VPS13A: variants seen among roughly 807,000 people sequenced by gnomAD.
VPS13A encodes intermembrane lipid transfer protein VPS13A.
A neutral mutation model predicts 390.9 loss-of-function variants in VPS13A; 264 were observed. The ratio of observed to expected loss-of-function variants is 0.68; its 90% confidence interval spans 0.61 to 0.75. VPS13A has a LOEUF of 0.75. Ranked by LOEUF, VPS13A falls within the 30% of genes least tolerant of loss-of-function variation. The probability of loss-of-function intolerance (pLI) is 0.00; values close to 1 mark genes in which losing one functional copy is unlikely to be tolerated. For missense variants in VPS13A, 3,409 were observed against 3,733.9 expected, an observed-to-expected ratio of 0.91 and a Z score of 2.27; for synonymous variants, 1,231 against 1,227.1, an observed-to-expected ratio of 1.00 and a Z score of -0.07.
chr9:77,285,184 CAAAG>C (rs958076363), intron 31 of VPS13A, among the ~76,000 whole-genome samples: 17 of 152,188 alleles, frequency 1.1e-4, no homozygotes, highest in African/African-American at 3.6e-4. Flanking sequence ...TTCCACGTGT[CAAAG>C]AACCAGAGAG....
At chr9:77,329,348 A>G (rs549254320) in intron 45 of VPS13A, among the ~76,000 whole-genome samples, 9 of 152,338 alleles carry the variant, frequency 5.9e-5, no homozygotes, top group Non-Finnish European at 7.3e-5. Context: ...CTTTTAGCCT[A>G]TCTCTGGTTT....
chr9:77,179,687 G>GTTTT (rs142930729), intron 1 of VPS13A, among the ~76,000 whole-genome samples: 1 of 130,902 alleles, frequency 7.6e-6, no homozygotes, highest in Non-Finnish European at 1.6e-5. Flanking sequence ...TGGGTTGTAC[G>GTTTT]TTTTTTTTTT....
At chr9:77,365,350 A>G (rs1832375096) in intron 59 of VPS13A, 110 bp from the exon 60 acceptor site, 4 of 718,832 alleles carry the variant, frequency 5.6e-6, no homozygotes, top group East Asian at 5.4e-5. Flanking sequence ...ATCATAAGCA[A>G]TGTTGAGTCT....
chr9:77,216,403 T>A (rs1165627399), intron 10 of VPS13A, among the ~76,000 whole-genome samples: 2 of 152,106 alleles, frequency 1.3e-5, no homozygotes, highest in Non-Finnish European at 2.9e-5. Flanking sequence ...ATGGGAATGA[T>A]CCAGTAGAAC....
chr9:77,252,894 A>G lies in VPS13A; in HGVS notation c.2288+542A>G, dbSNP rs114468371. Among the ~76,000 whole-genome samples the G allele has an allele frequency of 5.9e-3, 896 of 152,298 alleles. 12 individuals carry two copies. The highest frequency in any genetic ancestry group is 0.02 in the African/African-American group (848 of 41,554). ...TATGTTTTTATTTATTCATCCTTCA[A>G]TGAACATTTGTGTTGTTAATGCTGT... On this transcript the variant is annotated intron_variant, in intron 22 of 71. Coordinates refer to ENST00000360280, the MANE Select transcript of VPS13A (RefSeq NM_033305.3).
In VPS13A at chr9:77,318,597, C is replaced by T. The variant is rs1371519185; in HGVS notation, c.5313+6C>T. 6.3e-7 allele frequency: 1 copy of T among 1,599,198 alleles called. No individual in the cohort carries two copies. The highest frequency in any genetic ancestry group is 2.2e-5 in the East Asian group (1 of 44,754). ...ACTGTCAGCTTGAGCTAGAAGTAAG[C>T]ATATTTTTCCAGTTTTATAACAGAT... On this transcript the variant is annotated splice_donor_region_variant and intron_variant, in intron 41 of 71. Coordinates refer to ENST00000360280, the MANE Select transcript of VPS13A (RefSeq NM_033305.3).
intron 9 of VPS13A, among the ~76,000 whole-genome samples, chr9:77,214,031 T>G (rs1826117480): frequency 6.6e-6 from 1 of 151,842 alleles, no homozygotes; most frequent in African/African-American, 2.4e-5. Context: ...ATCCCAGCAC[T>G]TTGGGAGGCC....
intron 71 of VPS13A, among the ~76,000 whole-genome samples, chr9:77,415,361 T>C (rs2131674932): frequency 6.6e-6 from 1 of 152,322 alleles, no homozygotes; most frequent in Non-Finnish European, 1.5e-5. Context: ...GTTAAAGAGG[T>C]ACAAACATCT....
chr9:77,246,034 A>C (rs896262718), intron 19 of VPS13A, among the ~76,000 whole-genome samples: 3 of 152,158 alleles, frequency 2.0e-5, no homozygotes, highest in Non-Finnish European at 2.9e-5. Flanking sequence ...ACTCATTACC[A>C]TGAGGACAAC....
chr9:77,216,171 GAAAA>G (rs141213186), intron 10 of VPS13A, among the ~76,000 whole-genome samples: 1 of 151,370 alleles, frequency 6.6e-6, no homozygotes, highest in African/African-American at 2.4e-5. Context: ...GCTGGAAAAA[GAAAA>G]AAAAATTTTT....
intron 23 of VPS13A, among the ~76,000 whole-genome samples, chr9:77,271,605 A>G (rs902341417): frequency 6.6e-6 from 1 of 152,164 alleles, no homozygotes; most frequent in African/African-American, 2.4e-5. Flanking sequence ...GTATATTCAT[A>G]CAGTAGACTA....
intron 44 of VPS13A, 83 bp downstream of exon 44, chr9:77,321,829 T>C (rs1587578138): frequency 2.0e-6 from 3 of 1,515,874 alleles, no homozygotes; most frequent in Non-Finnish European, 2.7e-6. Context: ...TTGTAGAATC[T>C]TAGCAAGGTT....
intron 31 of VPS13A, 112 bp downstream of exon 31, chr9:77,283,762 T>C (rs1023756560): frequency 2.2e-5 from 19 of 871,140 alleles, no homozygotes; most frequent in Non-Finnish European, 3.0e-5. Context: ...TGGCTTATTA[T>C]GTGCATGGGT....
At chr9:77,243,732 G>A (rs971144565) in intron 19 of VPS13A, among the ~76,000 whole-genome samples, 6 of 152,104 alleles carry the variant, frequency 3.9e-5, no homozygotes, top group African/African-American at 7.2e-5. Context: ...TGATCAGAAT[G>A]GATGTAGTTC....
chr9:77,360,098 C>T (rs947868413), intron 58 of VPS13A, among the ~76,000 whole-genome samples: 1 of 152,018 alleles, frequency 6.6e-6, no homozygotes, highest in Admixed American at 6.5e-5. Flanking sequence ...TATTTCCTTG[C>T]TGTTTAAAAT....
At chr9:77,184,683 A>G (rs540404693) in intron 1 of VPS13A, among the ~76,000 whole-genome samples, 1 of 150,944 alleles carries the variant, frequency 6.6e-6, no homozygotes, top group South Asian at 2.1e-4. Flanking sequence ...TATTACTATT[A>G]TCACAGGATT....
chr9:77,295,392 A>T, intron 32 of VPS13A, 150 bp from the exon 33 acceptor site: 2 of 617,986 alleles, frequency 3.2e-6, no homozygotes, highest in Non-Finnish European at 4.9e-6. Flanking sequence ...ATTAAGATTT[A>T]ATATAGACAG....
intron 68 of VPS13A, among the ~76,000 whole-genome samples, chr9:77,394,210 A>G (rs1834025142): frequency 6.7e-6 from 1 of 149,356 alleles, no homozygotes; most frequent in South Asian, 2.1e-4. Flanking sequence ...GACTACAGGC[A>G]TGTGCCACCA....
chr9:77,254,196 G>T (rs1250585106), intron 22 of VPS13A, among the ~76,000 whole-genome samples: 1 of 152,052 alleles, frequency 6.6e-6, no homozygotes, highest in Non-Finnish European at 1.5e-5. Context: ...GCCCGCCTCG[G>T]CCTCCCAAAG....
Sources: allele counts gnomAD v4.1 joint callset (sites outside exome capture counted in the v4.1 genomes callset), GRCh38; gene constraint gnomAD v4.1.1; transcripts MANE v1.5; gene names NCBI Gene and HGNC (gene_info 2026-07-23, HGNC 2026-07-21).